PCDH15: variants seen among roughly 807,000 people sequenced by gnomAD.
PCDH15 encodes the protein protocadherin related 15.
PCDH15 carries 129 observed loss-of-function variants against 178.5 expected under a neutral mutation model. The observed-to-expected ratio is 0.72, with a 90% CI of 0.63 to 0.84. PCDH15 has a LOEUF of 0.84. Among genes scored for constraint, PCDH15 ranks in the 40% least tolerant of loss-of-function variants. The pLI, the probability that PCDH15 is intolerant of heterozygous loss-of-function variation, is 0.00. For synonymous variants in PCDH15, 800 were observed against 732.0 expected (o/e 1.09, Z -1.50); for missense variants, 2,230 against 2,099.9 (o/e 1.06, Z -1.21).
intron 1 of PCDH15, among the ~76,000 whole-genome samples, chr10:55,278,718 T>C (rs1439139132): frequency 6.6e-6 from 1 of 152,210 alleles, no homozygotes; most frequent in Non-Finnish European, 1.5e-5. Context: ...TTGTAAACTT[T>C]TAAAGAATAT....
intron 1 of PCDH15, among the ~76,000 whole-genome samples, chr10:54,781,373 C>T (rs1234444035): frequency 1.3e-5 from 2 of 152,052 alleles, no homozygotes; most frequent in Non-Finnish European, 2.9e-5. Context: ...ATCCATAGTA[C>T]TCACAAAATT....
intron 5 of PCDH15, among the ~76,000 whole-genome samples, chr10:54,361,422 T>C (rs1242803206): frequency 6.6e-6 from 1 of 152,114 alleles, no homozygotes; most frequent in Non-Finnish European, 1.5e-5. Context: ...AGAAAGCTCA[T>C]TGTCATCATC....
At chr10:54,445,116 T>C (rs141827978) in intron 3 of PCDH15, among the ~76,000 whole-genome samples, 50 of 151,404 alleles carry the variant, frequency 3.3e-4, no homozygotes, top group Non-Finnish European at 5.2e-4. Context: ...CTCACCCCAG[T>C]GTTCTGCTCC....
intron 1 of PCDH15, among the ~76,000 whole-genome samples, chr10:55,221,119 G>C (rs943028692): frequency 1.3e-5 from 2 of 152,026 alleles, no homozygotes; most frequent in Non-Finnish European, 2.9e-5. Context: ...TCTTAAAAAT[G>C]TGGAGTGAAA....
At chr10:54,364,431 T>C (rs990292875) in intron 5 of PCDH15, among the ~76,000 whole-genome samples, 11 of 152,188 alleles carry the variant, frequency 7.2e-5, no homozygotes, top group African/African-American at 2.4e-4. Flanking sequence ...ACATTCTGTA[T>C]AATTTTAGCC....
chr10:54,168,230 A>C (rs2046470718), intron 13 of PCDH15, among the ~76,000 whole-genome samples: 1 of 152,134 alleles, frequency 6.6e-6, no homozygotes, highest in Non-Finnish European at 1.5e-5. Context: ...TTGTCGTAAA[A>C]TAGGCAAACG....
At chr10:55,592,306 GACTGGAGGAAGAGAGAAGAACAAGA>G (rs1425859379) in intron 2 of PCDH15, among the ~76,000 whole-genome samples, 5 of 152,124 alleles carry the variant, frequency 3.3e-5, no homozygotes, top group African/African-American at 4.8e-5. Flanking sequence ...AGGAGCAAGT[GACTGGAGGAAGAGAGAAGAACAAGA>G]ACTGGAGGAA....
chr10:55,413,320 A>G (rs766003099), intron 2 of PCDH15, among the ~76,000 whole-genome samples: 3 of 151,636 alleles, frequency 2.0e-5, no homozygotes, highest in Non-Finnish European at 3.0e-5. Context: ...TCCTCTTTTC[A>G]TGGACTTTAT....
At chr10:55,066,160 A>C (rs1178693417) in intron 2 of PCDH15, among the ~76,000 whole-genome samples, 2 of 151,208 alleles carry the variant, frequency 1.3e-5, no homozygotes, top group African/African-American at 4.9e-5. Flanking sequence ...TTTTCTTAAA[A>C]CTTTTTTTTT....
chr10:55,274,889 A>G (rs1438285589), intron 1 of PCDH15, among the ~76,000 whole-genome samples: 1 of 152,038 alleles, frequency 6.6e-6, no homozygotes, highest in Non-Finnish European at 1.5e-5. Context: ...TAAAACCACC[A>G]CTGATATGAC....
intron 37 of PCDH15, among the ~76,000 whole-genome samples, chr10:53,807,767 C>G (rs1318669115): frequency 6.6e-6 from 1 of 152,070 alleles, no homozygotes; most frequent in East Asian, 1.9e-4. Context: ...AAGGAAATAT[C>G]TTCTCAGCCT....
chr10:54,114,285 T>C (rs1281305306), intron 15 of PCDH15, among the ~76,000 whole-genome samples: 1 of 152,212 alleles, frequency 6.6e-6, no homozygotes, highest in Non-Finnish European at 1.5e-5. Flanking sequence ...TAAGTCCTCA[T>C]TACAGAGTTA....
At chr10:54,467,356 A>G (rs2077588204) in intron 3 of PCDH15, among the ~76,000 whole-genome samples, 1 of 151,512 alleles carries the variant, frequency 6.6e-6, no homozygotes. Context: ...TTGAGTTTTT[A>G]TCTTAAAGGA....
At chr10:54,661,118 C>A (rs2094484376) in intron 2 of PCDH15, among the ~76,000 whole-genome samples, 1 of 151,944 alleles carries the variant, frequency 6.6e-6, no homozygotes, top group African/African-American at 2.4e-5. Context: ...TCTCTGTTTG[C>A]TAATGACAAT....
chr10:54,577,893 A>AATAT (rs1450957357), intron 2 of PCDH15, among the ~76,000 whole-genome samples: 11 of 115,176 alleles, frequency 9.6e-5, no homozygotes, highest in Admixed American at 5.0e-4. Flanking sequence ...TAAATAAATA[A>AATAT]ATATTCCTCT....
chr10:53,866,812 G>A lies in PCDH15; in HGVS notation c.3547C>T (p.Leu1183Phe). The stretch of plus-strand genomic sequence containing the variant: ...CCCTCTTTAATTGGTGGTATTATGA[G>A]TCTGTAGGCCATGACACTATAATTG... Reference protein sequence around the residue: ...TGNYSVMAYRLIIPPIKEGKE... With the variant: ...TGNYSVMAYRFIIPPIKEGKE... The change falls in exon 27 of 38, where the codon CTC becomes TTC. Residue 1183 changes from leucine to phenylalanine, a missense_variant. Transcript: ENST00000644397. The A allele has an allele frequency of 2.5e-6, 4 of 1,613,090 alleles. No homozygotes were observed. The highest frequency in any genetic ancestry group is 2.5e-6 in the Non-Finnish European group (3 of 1,179,352).
At chr10:55,612,896 G>C (rs1481595997) in intron 2 of PCDH15, among the ~76,000 whole-genome samples, 1 of 151,234 alleles carries the variant, frequency 6.6e-6, no homozygotes, top group African/African-American at 2.4e-5. Context: ...CTTTATAATT[G>C]AAACAATATA....
At chr10:53,935,871 A>AG (rs200117435) in intron 25 of PCDH15, among the ~76,000 whole-genome samples, 1,592 of 152,312 alleles carry the variant, frequency 0.01, 25 homozygotes, top group African/African-American at 0.036. Flanking sequence ...AGTAATAAAA[A>AG]TAAAAAAATA....
intron 25 of PCDH15, among the ~76,000 whole-genome samples, chr10:53,918,064 T>A (rs2083676898): frequency 6.6e-6 from 1 of 152,096 alleles, no homozygotes; most frequent in African/African-American, 2.4e-5. Context: ...AGATAAAATA[T>A]ATTTTCTTTA....
Sources: gnomAD v4.1 joint callset for allele counts (sites outside exome capture counted in the v4.1 genomes callset) on GRCh38, gnomAD v4.1.1 for gene constraint, MANE v1.5 for transcripts, NCBI Gene and HGNC (gene_info 2026-07-23, HGNC 2026-07-21) for gene names.